ZNF568: variants seen among roughly 807,000 people sequenced by gnomAD.
ZNF568 encodes zinc finger protein 568.
In ZNF568, 11 loss-of-function variants were observed where a neutral mutation model predicts 18.1. The ratio of observed to expected loss-of-function variants is 0.61; its 90% CI spans 0.38 to 1.00. The LOEUF (loss-of-function observed/expected upper bound fraction) is 1.00, where lower values mean the gene tolerates loss of function less well. ZNF568 is among the 50% of genes least tolerant of loss of function. The pLI, the probability that ZNF568 is intolerant of heterozygous loss-of-function variation, is 0.01. For synonymous variants in ZNF568, 213 were observed against 246.6 expected (o/e 0.86, Z 1.28); for missense variants, 639 against 768.2 (o/e 0.83, Z 1.99).
downstream of ZNF568, among the ~76,000 whole-genome samples, chr19:36,957,198 C>T (rs1027989500): frequency 1.3e-3 from 191 of 148,878 alleles, no homozygotes; most frequent in African/African-American, 4.5e-3. Flanking sequence ...CTCAAGGCCC[C>T]CTAGGGATTT....
At chr19:36,979,546 G>A (rs1014711597) in exon 8 of ZNF568, 1 of 152,132 alleles carries the variant, frequency 6.6e-6, no homozygotes, top group African/African-American at 2.4e-5. Flanking sequence ...TTGATGTCAA[G>A]AAATCATACT....
intron 4 of ZNF568, among the ~76,000 whole-genome samples, chr19:36,932,046 T>C (rs572352009): frequency 6.6e-6 from 1 of 152,374 alleles, no homozygotes; most frequent in African/African-American, 2.4e-5. Flanking sequence ...TTTCATGCAT[T>C]TTGTAGCTTG....
chr19:36,935,138 A>G (rs541320656), intron 4 of ZNF568, among the ~76,000 whole-genome samples: 1 of 152,238 alleles, frequency 6.6e-6, no homozygotes, highest in East Asian at 1.9e-4. Flanking sequence ...AGAGTGCTCT[A>G]TACACTTGAG....
In ZNF568 at chr19:36,950,181, TCAGC is replaced by T. The variant is rs1192426150; in HGVS notation, c.1032_1035del (p.Ser344ArgfsTer37). On this transcript the variant is annotated frameshift_variant, in exon 7 of 7. Transcript: ENST00000333987. LOFTEE classifies it low-confidence loss of function (END_TRUNC). ...GAATGTAAGGAATGTGGGAAATCCT[TCAGC>T]CAGAAGCAAAATCTTATTGAGCACG... 1 of 1,613,736 alleles carries T rather than the reference TCAGC, an allele frequency of 6.2e-7. No homozygotes were observed. Among genetic ancestry groups the T allele is most frequent in the Non-Finnish European group, 8.5e-7 (1 of 1,179,750 alleles).
At chr19:36,927,903 A>ATTTTTTTTTTTT (rs71177414) in intron 4 of ZNF568, among the ~76,000 whole-genome samples, 1 of 26,622 alleles carries the variant, frequency 3.8e-5, no homozygotes, top group African/African-American at 2.5e-4. Flanking sequence ...ATATATATAT[A>ATTTTTTTTTTTT]TTTTTTTTTT....
intron 4 of ZNF568, among the ~76,000 whole-genome samples, chr19:36,995,065 C>T (rs1382442009): frequency 1.3e-5 from 2 of 151,628 alleles, no homozygotes; most frequent in Non-Finnish European, 2.9e-5. Context: ...TATCTTTTTC[C>T]ATTCTTTCAT....
At chr19:36,942,258 G>A (rs1025815078) in intron 6 of ZNF568, among the ~76,000 whole-genome samples, 3 of 150,070 alleles carry the variant, frequency 2.0e-5, no homozygotes, top group African/African-American at 4.9e-5. Context: ...GTGCACCACC[G>A]CACCCAGTCT....
At chr19:36,930,296 G>A (rs919394295) in intron 4 of ZNF568, among the ~76,000 whole-genome samples, 1 of 149,818 alleles carries the variant, frequency 6.7e-6, no homozygotes, top group African/African-American at 2.5e-5. Context: ...TGCAAGCTCC[G>A]CCTCCCAGGT....
At chr19:36,974,848 A>G (rs1360210102) in intron 7 of ZNF568, among the ~76,000 whole-genome samples, 1 of 98,598 alleles carries the variant, frequency 1.0e-5, no homozygotes. Flanking sequence ...TTTTTTTGAG[A>G]CAGAGTCTCG....
intron 2 of ZNF568, among the ~76,000 whole-genome samples, chr19:36,921,663 C>T (rs1015970027): frequency 2.6e-5 from 4 of 152,068 alleles, no homozygotes; most frequent in African/African-American, 7.2e-5. Flanking sequence ...AATAAAGACT[C>T]ATAGCAGCTG....
chr19:36,961,561 C>T (rs1298956740), intron 6 of ZNF568, among the ~76,000 whole-genome samples: 1 of 152,056 alleles, frequency 6.6e-6, no homozygotes, highest in African/African-American at 2.4e-5. Flanking sequence ...GAGTCTCACT[C>T]TGTTGCCCAG....
intron 5 of ZNF568, 127 bp downstream of exon 5, chr19:36,936,999 C>A: frequency 7.3e-7 from 1 of 1,370,674 alleles, no homozygotes; most frequent in Non-Finnish European, 1.0e-6. Flanking sequence ...GTGCTCCACT[C>A]TTCAGTGTTA....
exon 8 of ZNF568, chr19:36,979,613 A>G (rs959113169): frequency 2.0e-5 from 3 of 152,230 alleles, no homozygotes; most frequent in Non-Finnish European, 4.4e-5. Flanking sequence ...CAAGAGATCC[A>G]TTCACATTGC....
exon 5 of ZNF568, chr19:36,997,094 T>A (rs1390499009): frequency 6.4e-7 from 1 of 1,565,236 alleles, no homozygotes; most frequent in Non-Finnish European, 8.6e-7. Context: ...CAGCTGAGCC[T>A]TCATCAGATA....
At chr19:36,933,708 T>C (rs1352415414) in intron 4 of ZNF568, among the ~76,000 whole-genome samples, 1 of 150,948 alleles carries the variant, frequency 6.6e-6, no homozygotes, top group Non-Finnish European at 1.5e-5. Flanking sequence ...GGGTGGTGCG[T>C]GTGTGTGTGT....
At chr19:36,934,547 C>A (rs1051438294) in intron 4 of ZNF568, among the ~76,000 whole-genome samples, 3 of 152,116 alleles carry the variant, frequency 2.0e-5, no homozygotes, top group Non-Finnish European at 4.4e-5. Flanking sequence ...GTCTTGAACT[C>A]CTGGGCTCAA....
intron 4 of ZNF568, among the ~76,000 whole-genome samples, chr19:36,931,382 T>A (rs2073683509): frequency 6.6e-6 from 1 of 152,134 alleles, no homozygotes; most frequent in Admixed American, 6.5e-5. Flanking sequence ...CTAATGGAAT[T>A]ATTTTTTGTT....
chr19:36,991,858 T>C (rs769138789), intron 4 of ZNF568: 56 of 1,554,072 alleles, frequency 3.6e-5, no homozygotes, highest in Admixed American at 1.5e-4. Context: ...TGAGTGACGA[T>C]GAACTGGAAT....
chr19:36,972,688 G>A (rs933167402), intron 6 of ZNF568, among the ~76,000 whole-genome samples: 1 of 152,232 alleles, frequency 6.6e-6, no homozygotes, highest in African/African-American at 2.4e-5. Context: ...AATTCGTGGC[G>A]TGGCCGGGAG....
Sources: gnomAD v4.1 joint callset for allele counts (sites outside exome capture counted in the v4.1 genomes callset) on GRCh38, gnomAD v4.1.1 for gene constraint, MANE v1.5 for transcripts, NCBI Gene and HGNC (gene_info 2026-07-23, HGNC 2026-07-21) for gene names.